Variants in RBFOX3 observed in about 807,000 individuals in gnomAD.
The protein encoded by RBFOX3 is RNA binding fox-1 homolog 3.
In RBFOX3, 17 loss-of-function variants were observed where a neutral mutation model predicts 48.7. The observed-to-expected ratio is 0.35, with a 90% CI of 0.24 to 0.52. RBFOX3 has a LOEUF of 0.52. RBFOX3 is among the 20% of genes least tolerant of loss of function. RBFOX3 has a pLI of 0.94. For missense variants in RBFOX3, 382 were observed against 497.5 expected, an observed-to-expected ratio of 0.77 and a Z score of 2.21; for synonymous variants, 212 against 209.5, an observed-to-expected ratio of 1.01 and a Z score of -0.10.
intron 3 of RBFOX3, among the ~76,000 whole-genome samples, chr17:79,304,253 G>C (rs1039692782): frequency 1.3e-5 from 2 of 151,864 alleles, no homozygotes; most frequent in African/African-American, 4.8e-5. Context: ...CAATCATGAA[G>C]AATGAGGTTA....
At chr17:79,428,884 T>A (rs1369097199) in intron 2 of RBFOX3, among the ~76,000 whole-genome samples, 1 of 152,210 alleles carries the variant, frequency 6.6e-6, no homozygotes, top group Non-Finnish European at 1.5e-5. Flanking sequence ...AGTAAAGTCA[T>A]ATAGTATTTG....
intron 1 of RBFOX3, among the ~76,000 whole-genome samples, chr17:79,534,695 C>T (rs1342418638): frequency 6.6e-6 from 1 of 152,198 alleles, no homozygotes; most frequent in Non-Finnish European, 1.5e-5. Context: ...CAAGACCCAC[C>T]GTGACCTAAC....
In RBFOX3 at chr17:79,367,345, C is replaced by T. The variant is rs543768733; in HGVS notation, c.-174-59521G>A. ...CCTCTTCTTCATTTCCTCTTCCTCCCCCTCCTCCTCCTACTCCTCCTCCAC... is the reference window on the plus strand; with the variant it reads ...CCTCTTCTTCATTTCCTCTTCCTCCTCCTCCTCCTCCTACTCCTCCTCCAC... On this transcript the variant is annotated intron_variant, in intron 2 of 14. Transcript: ENST00000693108. 5.4e-5 allele frequency among the ~76,000 whole-genome samples: 8 copies of T among 149,204 alleles called. 1 individual carries two copies. The highest frequency in any genetic ancestry group is 2.0e-4 in the African/African-American group (8 of 40,340).
intron 2 of RBFOX3, among the ~76,000 whole-genome samples, chr17:79,462,723 C>T (rs777819295): frequency 2.6e-5 from 4 of 152,018 alleles, no homozygotes; most frequent in South Asian, 2.1e-4. Flanking sequence ...AGAAGCAAGA[C>T]GTAAAGATGA....
chr17:79,508,455 G>A (rs905362674), intron 1 of RBFOX3, among the ~76,000 whole-genome samples: 35 of 152,292 alleles, frequency 2.3e-4, no homozygotes, highest in African/African-American at 7.2e-4. Flanking sequence ...GCCCGAGGCC[G>A]CCCACTGCCT....
chr17:79,511,112 G>C (rs1469681806), intron 1 of RBFOX3, among the ~76,000 whole-genome samples: 3 of 152,170 alleles, frequency 2.0e-5, no homozygotes, highest in Non-Finnish European at 4.4e-5. Flanking sequence ...GGGGCACCAA[G>C]GTCAAGCAGA....
At chr17:79,192,955 G>A (rs985989893) in intron 4 of RBFOX3, among the ~76,000 whole-genome samples, 4 of 152,234 alleles carry the variant, frequency 2.6e-5, no homozygotes, top group Non-Finnish European at 5.9e-5. Context: ...GCAGGCTGCT[G>A]TGAGGACTAT....
chr17:79,523,015 T>C (rs2086326835), intron 1 of RBFOX3, among the ~76,000 whole-genome samples: 1 of 140,986 alleles, frequency 7.1e-6, no homozygotes, highest in Non-Finnish European at 1.5e-5. Context: ...TTATGCTGAG[T>C]GAAATCAACC....
chr17:79,574,953 G>C (rs918935785), intron 1 of RBFOX3, among the ~76,000 whole-genome samples: 2 of 152,220 alleles, frequency 1.3e-5, no homozygotes, highest in Non-Finnish European at 2.9e-5. Context: ...TCTCTAACCA[G>C]CTCCTGCGTG....
At chr17:79,091,513 G>A (rs559262016) in intron 14 of RBFOX3, among the ~76,000 whole-genome samples, 205 of 152,328 alleles carry the variant, frequency 1.3e-3, no homozygotes, top group Admixed American at 2.2e-3. Flanking sequence ...GCCATGCACC[G>A]GGCTGGCCAG....
chr17:79,439,931 T>C (rs1168512267), intron 2 of RBFOX3, among the ~76,000 whole-genome samples: 2 of 152,142 alleles, frequency 1.3e-5, no homozygotes, highest in East Asian at 1.9e-4. Context: ...AAGGCACACA[T>C]GTGCAGACGG....
chr17:79,503,789 A>G (rs1031612788), intron 1 of RBFOX3, among the ~76,000 whole-genome samples: 16 of 152,208 alleles, frequency 1.1e-4, no homozygotes, highest in Admixed American at 7.9e-4. Flanking sequence ...TCTCCTACAC[A>G]GGCTCTAAAG....
intron 3 of RBFOX3, among the ~76,000 whole-genome samples, chr17:79,265,379 C>T (rs61044225): frequency 0.013 from 1,906 of 152,284 alleles, 41 homozygotes; most frequent in African/African-American, 0.043. Flanking sequence ...GAGGGTTTCA[C>T]CGGCAGCAGC....
intron 3 of RBFOX3, among the ~76,000 whole-genome samples, chr17:79,250,193 A>G (rs2063731190): frequency 6.6e-6 from 1 of 152,212 alleles, no homozygotes; most frequent in Non-Finnish European, 1.5e-5. Flanking sequence ...ATACGGCCTC[A>G]GAAGTGAAAT....
chr17:79,305,513 T>C (rs748589306), intron 3 of RBFOX3, among the ~76,000 whole-genome samples: 1 of 152,164 alleles, frequency 6.6e-6, no homozygotes, highest in Non-Finnish European at 1.5e-5. Flanking sequence ...CCTGCCCCCT[T>C]GTCCGCCTCC....
chr17:79,614,522 C>T (rs1449733669), upstream of RBFOX3, among the ~76,000 whole-genome samples: 10 of 152,166 alleles, frequency 6.6e-5, no homozygotes, highest in Non-Finnish European at 1.3e-4. Context: ...CAGACACCTG[C>T]GGAAAGCCTT....
intron 2 of RBFOX3, among the ~76,000 whole-genome samples, chr17:79,371,083 C>T (rs974541575): frequency 2.0e-5 from 3 of 152,216 alleles, no homozygotes; most frequent in African/African-American, 2.4e-5. Flanking sequence ...CAGGCCAGCA[C>T]GGTGTCCCTC....
chr17:79,202,990 C>T (rs989665698), intron 4 of RBFOX3, among the ~76,000 whole-genome samples: 6 of 152,042 alleles, frequency 3.9e-5, no homozygotes, highest in Non-Finnish European at 7.4e-5. Context: ...TCTCCTTTCC[C>T]TATTTTACTC....
At chr17:79,317,547 A>T (rs1039350824) in intron 2 of RBFOX3, among the ~76,000 whole-genome samples, 1 of 152,230 alleles carries the variant, frequency 6.6e-6, no homozygotes. Flanking sequence ...AGGCACTGGC[A>T]GCAGCACCGA....
Sources: allele counts gnomAD v4.1 joint callset (sites outside exome capture counted in the v4.1 genomes callset), GRCh38; gene constraint gnomAD v4.1.1; transcripts MANE v1.5; gene names NCBI Gene and HGNC (gene_info 2026-07-23, HGNC 2026-07-21).